Variants in RALYL observed in about 807,000 individuals in gnomAD.
RALYL encodes the protein RALY RNA binding protein like.
Under a neutral mutation model 35.1 loss-of-function variants are expected in RALYL, and 29 were observed. The observed-to-expected ratio is 0.83, with a 90% confidence interval of 0.61 to 1.13. The LOEUF (loss-of-function observed/expected upper bound fraction) is 1.13, where lower values mean the gene tolerates loss of function less well. Ranked by LOEUF, RALYL falls within the 50% of genes most tolerant of loss-of-function variation. RALYL has a pLI of 0.00. For synonymous variants in RALYL, 120 were observed against 127.6 expected (o/e 0.94, Z 0.40); for missense variants, 359 against 360.4 (o/e 1.00, Z 0.03).
At chr8:84,822,923 T>G (rs1828833798) in intron 4 of RALYL, among the ~76,000 whole-genome samples, 1 of 152,118 alleles carries the variant, frequency 6.6e-6, no homozygotes, top group Non-Finnish European at 1.5e-5. Context: ...TAGATAAAAT[T>G]TATTCAGTGC....
At chr8:84,502,359 C>T (rs1269052928) in intron 1 of RALYL, among the ~76,000 whole-genome samples, 4 of 152,002 alleles carry the variant, frequency 2.6e-5, no homozygotes, top group African/African-American at 9.7e-5. Flanking sequence ...TAGTCTCACT[C>T]TGCATGAAGA....
intron 1 of RALYL, among the ~76,000 whole-genome samples, chr8:84,387,758 G>A (rs551596413): frequency 1.0e-4 from 15 of 149,756 alleles, no homozygotes; most frequent in African/African-American, 3.2e-4. Flanking sequence ...TCCTTCTGCA[G>A]TTCCCTTACT....
chr8:84,714,791 G>T lies in RALYL; in HGVS notation c.257-59788G>T, dbSNP rs186802588. On this transcript the variant is annotated intron_variant, in intron 2 of 8. Transcript: ENST00000521268. The stretch of plus-strand genomic sequence containing the variant: ...TAAATACCAGCTATTGCATAAGTGG[G>T]CAAGAAAAGGGGAGAGGTGGGTATA... 1.5e-3 allele frequency among the ~76,000 whole-genome samples: 234 copies of T among 151,680 alleles called. 3 individuals carry two copies. Among genetic ancestry groups the T allele is most frequent in the Non-Finnish European group, 1.2e-3 (82 of 67,830 alleles).
At chr8:84,302,736 G>A (rs1480805759) in intron 1 of RALYL, among the ~76,000 whole-genome samples, 2 of 152,166 alleles carry the variant, frequency 1.3e-5, no homozygotes, top group Non-Finnish European at 2.9e-5. Context: ...TGGAGTCGAT[G>A]AGGGACAGTG....
rs1293194352 is a variant in RALYL, at chr8:84,844,137, G to T, written c.366-5843G>T. 2.0e-5 allele frequency among the ~76,000 whole-genome samples: 3 copies of T among 152,110 alleles called. No homozygotes were observed. The East Asian group carries it at 5.8e-4, about 29-fold the overall frequency. On this transcript the variant is annotated intron_variant, in intron 4 of 8. Transcript: ENST00000521268. ...ACAAATGGGATCTAATTAAACTAAA[G>T]AGCTTCTGCACAGCAAAAGAAACTA... is the stretch of plus-strand genomic sequence containing the variant.
intron 1 of RALYL, among the ~76,000 whole-genome samples, chr8:84,264,494 T>C (rs559430449): frequency 1.4e-3 from 218 of 150,854 alleles, no homozygotes; most frequent in Non-Finnish European, 2.8e-3. Flanking sequence ...TCCTTGTAGA[T>C]TCTGGATATT....
intron 1 of RALYL, among the ~76,000 whole-genome samples, chr8:84,409,260 T>A (rs915852859): frequency 2.0e-5 from 3 of 152,144 alleles, no homozygotes. Context: ...TTATCTATTA[T>A]GTATTCAAAA....
intron 2 of RALYL, among the ~76,000 whole-genome samples, chr8:84,760,855 G>A (rs1812511028): frequency 6.6e-6 from 1 of 152,036 alleles, no homozygotes; most frequent in African/African-American, 2.4e-5. Context: ...AGGTTTTAAT[G>A]GAGCTTCTAT....
intron 7 of RALYL, among the ~76,000 whole-genome samples, chr8:84,885,656 T>C (rs1842827814): frequency 6.6e-6 from 1 of 152,152 alleles, no homozygotes; most frequent in Admixed American, 6.6e-5. Context: ...GTAAATGTCT[T>C]TCTCTTAATG....
intron 2 of RALYL, among the ~76,000 whole-genome samples, chr8:84,664,210 T>C (rs1564333940): frequency 1.3e-5 from 2 of 151,300 alleles, no homozygotes; most frequent in African/African-American, 4.8e-5. Context: ...CTTTGGTTAC[T>C]CTAGCCCCAT....
intron 7 of RALYL, among the ~76,000 whole-genome samples, chr8:84,884,699 G>A (rs959921125): frequency 5.3e-5 from 8 of 152,048 alleles, no homozygotes; most frequent in Admixed American, 2.6e-4. Context: ...CCATTTATGT[G>A]TTGTAACAAA....
At chr8:84,474,689 G>A (rs574139412) in intron 1 of RALYL, among the ~76,000 whole-genome samples, 83 of 152,050 alleles carry the variant, frequency 5.5e-4, no homozygotes, top group Non-Finnish European at 1.1e-3. Context: ...ACATTGTAAA[G>A]AGACGTCCCT....
chr8:84,202,337 T>G (rs1414252776), intron 1 of RALYL, among the ~76,000 whole-genome samples: 2 of 151,688 alleles, frequency 1.3e-5, no homozygotes, highest in Non-Finnish European at 2.9e-5. Context: ...TATAAAATCA[T>G]GTATAAGTAT....
chr8:84,879,855 T>C (rs2135340252), intron 7 of RALYL, among the ~76,000 whole-genome samples: 1 of 152,024 alleles, frequency 6.6e-6, no homozygotes, highest in South Asian at 2.1e-4. Context: ...CTCAGTTAAC[T>C]GTAAAGGCAA....
rs1261019380 is a variant in RALYL at position 84,311,035 on chromosome 8, C to G, written c.-24+126611C>G. ...GCAGTCCGCAGTCCGACCTGGGCGACAGAGCGAGACTCCGTCTCAAAAAAA... is the reference window on the plus strand; with the variant it reads ...GCAGTCCGCAGTCCGACCTGGGCGAGAGAGCGAGACTCCGTCTCAAAAAAA... On this transcript the variant is annotated intron_variant, in intron 1 of 8. Coordinates refer to ENST00000521268, the MANE Select transcript of RALYL (RefSeq NM_173848.7). 9.8e-5 allele frequency among the ~76,000 whole-genome samples: 8 copies of G among 81,614 alleles called. 1 individual carries two copies. The highest frequency in any genetic ancestry group is 1.3e-4 in the Non-Finnish European group (6 of 47,252). The allele number at this position is 81,614 out of a possible 152,430, so 53.5% of individuals were successfully genotyped here.
intron 1 of RALYL, among the ~76,000 whole-genome samples, chr8:84,394,955 A>G (rs904385619): frequency 2.0e-5 from 3 of 151,958 alleles, no homozygotes; most frequent in African/African-American, 7.2e-5. Flanking sequence ...CTTTAATATT[A>G]AACACAAAAT....
At chr8:84,821,088 A>G (rs1395704919) in intron 4 of RALYL, among the ~76,000 whole-genome samples, 1 of 152,152 alleles carries the variant, frequency 6.6e-6, no homozygotes, top group Non-Finnish European at 1.5e-5. Context: ...AAGAGAACTC[A>G]TTTCTCTTTG....
intron 1 of RALYL, among the ~76,000 whole-genome samples, chr8:84,270,553 CGTGTGTGT>C (rs34047869): frequency 4.1e-5 from 6 of 147,354 alleles, no homozygotes; most frequent in East Asian, 4.1e-4. Flanking sequence ...ACATGAAATT[CGTGTGTGT>C]GTGTGTGTGT....
chr8:84,185,163 T>C (rs1812182541), intron 1 of RALYL: 4 of 795,572 alleles, frequency 5.0e-6, no homozygotes, highest in East Asian at 5.2e-5. Context: ...TAGTTTCTTA[T>C]AAGATGATCA....
Sources: allele counts gnomAD v4.1 joint callset (sites outside exome capture counted in the v4.1 genomes callset), GRCh38; gene constraint gnomAD v4.1.1; transcripts MANE v1.5; gene names NCBI Gene and HGNC (gene_info 2026-07-23, HGNC 2026-07-21).